ADGRL2: variants seen among roughly 807,000 people sequenced by gnomAD.
ADGRL2 encodes adhesion G protein-coupled receptor L2.
Under a neutral mutation model 157.4 loss-of-function variants are expected in ADGRL2, and 44 were observed. The ratio of observed to expected loss-of-function variants is 0.28; its 90% CI spans 0.22 to 0.36. The LOEUF is 0.36. ADGRL2 is among the 10% of genes least tolerant of loss of function. The pLI is 1.00. For synonymous variants in ADGRL2, 585 were observed against 624.7 expected (o/e 0.94, Z 0.95); for missense variants, 1,510 against 1,768.9 (o/e 0.85, Z 2.63).
Position 81,418,925 on chromosome 1 carries a change from A to C in ADGRL2, c.-301-26111A>C, listed in dbSNP as rs72939081. ...AATGAAATCATGATTATTTTGACAC[A>C]ATTCTCTATACTGAGGTATCCATTT... On this transcript the variant is annotated intron_variant, in intron 1 of 24. Coordinates refer to the ADGRL2 transcript ENST00000370721. 5.8e-3 allele frequency among the ~76,000 whole-genome samples: 888 copies of C among 152,286 alleles called. 5 individuals are homozygous for C. The highest frequency in any genetic ancestry group is 0.02 in the African/African-American group (828 of 41,578).
intron 2 of ADGRL2, among the ~76,000 whole-genome samples, chr1:81,781,339 G>C (rs1341421443): frequency 6.6e-6 from 1 of 152,092 alleles, no homozygotes; most frequent in Non-Finnish European, 1.5e-5. Flanking sequence ...CAAGGGTGTA[G>C]CTGAAGTTTA....
intron 1 of ADGRL2, among the ~76,000 whole-genome samples, chr1:81,824,807 TA>T (rs1156770467): frequency 6.6e-6 from 1 of 152,158 alleles, no homozygotes; most frequent in Non-Finnish European, 1.5e-5. Flanking sequence ...TCTATGTGAA[TA>T]AAAAATCTTG....
chr1:81,320,295 A>G (rs1345310645), intron 1 of ADGRL2, among the ~76,000 whole-genome samples: 1 of 152,108 alleles, frequency 6.6e-6, no homozygotes, highest in East Asian at 1.9e-4. Flanking sequence ...GAACCCCTCA[A>G]AGTCATCTAT....
intron 1 of ADGRL2, among the ~76,000 whole-genome samples, chr1:81,811,557 G>T (rs931252033): frequency 6.6e-6 from 1 of 151,502 alleles, no homozygotes; most frequent in African/African-American, 2.4e-5. Context: ...TCATATCTCT[G>T]TATACTTGTG....
At chr1:81,761,460 AG>A (rs2085878924) in intron 1 of ADGRL2, among the ~76,000 whole-genome samples, 1 of 152,000 alleles carries the variant, frequency 6.6e-6, no homozygotes, top group Non-Finnish European at 1.5e-5. Flanking sequence ...TCCCTTAAAG[AG>A]TTTTAGGTAA....
intron 1 of ADGRL2, among the ~76,000 whole-genome samples, chr1:81,833,513 A>T (rs1260057892): frequency 6.6e-6 from 1 of 152,220 alleles, no homozygotes; most frequent in Non-Finnish European, 1.5e-5. Flanking sequence ...TATTAATTTG[A>T]AATGTGTTAT....
chr1:81,515,635 G>T (rs2079161812), intron 2 of ADGRL2, among the ~76,000 whole-genome samples: 1 of 152,100 alleles, frequency 6.6e-6, no homozygotes, highest in South Asian at 2.1e-4. Context: ...CAAAAATGAT[G>T]TATGTTTATT....
At chr1:81,781,430 GT>G (rs1018741855) in intron 2 of ADGRL2, among the ~76,000 whole-genome samples, 1 of 152,012 alleles carries the variant, frequency 6.6e-6, no homozygotes, top group Admixed American at 6.6e-5. Flanking sequence ...AGAGGAAAAG[GT>G]TTTTCAGCTA....
intron 1 of ADGRL2, among the ~76,000 whole-genome samples, chr1:81,699,984 G>A (rs905615022): frequency 5.9e-5 from 9 of 152,158 alleles, no homozygotes; most frequent in African/African-American, 2.2e-4. Flanking sequence ...GAGATAGCCA[G>A]CCCCTGCAAT....
At chr1:81,466,633 T>A (rs1273023853) in intron 2 of ADGRL2, among the ~76,000 whole-genome samples, 1 of 151,758 alleles carries the variant, frequency 6.6e-6, no homozygotes, top group Non-Finnish European at 1.5e-5. Context: ...CAGTGATAAG[T>A]ACAAGACATG....
At chr1:81,861,605 T>C (rs2093390166) in intron 2 of ADGRL2, among the ~76,000 whole-genome samples, 1 of 152,186 alleles carries the variant, frequency 6.6e-6, no homozygotes, top group African/African-American at 2.4e-5. Context: ...AATAAACACA[T>C]GGGCCATGCA....
At chr1:81,762,907 C>T (rs2085938749) in intron 2 of ADGRL2, among the ~76,000 whole-genome samples, 1 of 151,796 alleles carries the variant, frequency 6.6e-6, no homozygotes, top group Admixed American at 6.6e-5. Context: ...AAAAAATTAG[C>T]TAGGTGTGGT....
chr1:81,494,648 A>G (rs1014544805), intron 2 of ADGRL2, among the ~76,000 whole-genome samples: 2 of 152,138 alleles, frequency 1.3e-5, no homozygotes, highest in African/African-American at 4.8e-5. Flanking sequence ...CCAGTCCATC[A>G]TTCTTGTTGG....
At chr1:81,823,447 T>C (rs897889701) in intron 1 of ADGRL2, among the ~76,000 whole-genome samples, 9 of 145,544 alleles carry the variant, frequency 6.2e-5, no homozygotes, top group African/African-American at 2.3e-4. Flanking sequence ...CTCCCTCCTA[T>C]GTTTCTTATT....
chr1:81,848,110 C>T (rs1379373598), intron 2 of ADGRL2, among the ~76,000 whole-genome samples: 1 of 151,562 alleles, frequency 6.6e-6, no homozygotes, highest in African/African-American at 2.4e-5. Context: ...CTCCTTTTCC[C>T]TTTTCTTTCA....
At chr1:81,517,019 T>C (rs2079193284) in intron 2 of ADGRL2, among the ~76,000 whole-genome samples, 1 of 152,138 alleles carries the variant, frequency 6.6e-6, no homozygotes, top group South Asian at 2.1e-4. Flanking sequence ...CTATTTTAAA[T>C]GCCTTTAGCC....
intron 3 of ADGRL2, among the ~76,000 whole-genome samples, chr1:81,679,661 T>G (rs1557560229): frequency 6.6e-6 from 1 of 152,222 alleles, no homozygotes; most frequent in Non-Finnish European, 1.5e-5. Context: ...GGTTTCTTGC[T>G]TTTCTTGCTT....
At chr1:81,456,897 T>C (rs2077819451) in intron 2 of ADGRL2, among the ~76,000 whole-genome samples, 1 of 152,010 alleles carries the variant, frequency 6.6e-6, no homozygotes. Context: ...TTTTCTAACT[T>C]CATTCCTTCC....
At chr1:81,901,364 TC>T (rs2094483395) in intron 2 of ADGRL2, among the ~76,000 whole-genome samples, 1 of 152,158 alleles carries the variant, frequency 6.6e-6, no homozygotes, top group South Asian at 2.1e-4. Flanking sequence ...TCTTTGCACA[TC>T]TTAGTTATTA....
Sources: gnomAD v4.1 joint callset for allele counts (sites outside exome capture counted in the v4.1 genomes callset) on GRCh38, gnomAD v4.1.1 for gene constraint, MANE v1.5 for transcripts, NCBI Gene and HGNC (gene_info 2026-07-23, HGNC 2026-07-21) for gene names.